Variants in EVI5 observed in about 807,000 individuals in gnomAD.
EVI5 encodes the protein ecotropic viral integration site 5.
A neutral mutation model predicts 112.0 loss-of-function variants in EVI5; 73 were observed. The ratio of observed to expected loss-of-function variants is 0.65; its 90% CI spans 0.54 to 0.79. The LOEUF (loss-of-function observed/expected upper bound fraction) is 0.79. EVI5 is among the 30% of genes least tolerant of loss of function. The probability of loss-of-function intolerance (pLI) is 0.00; values close to 1 mark genes in which losing one functional copy is unlikely to be tolerated. For missense variants in EVI5, 900 were observed against 968.8 expected, an observed-to-expected ratio of 0.93 and a Z score of 0.94; for synonymous variants, 305 against 319.9, an observed-to-expected ratio of 0.95 and a Z score of 0.50.
chr1:92,744,594 TCTCTCTCACA>T lies in EVI5; in HGVS notation c.-81-7977_-81-7968del, dbSNP rs1311128399. ...TATAATTATGCCAAATATCTCTCTCTCTCTCTCACACACACACACACACACACACACACAC... is the reference window on the plus strand; with the variant it reads ...TATAATTATGCCAAATATCTCTCTCTCACACACACACACACACACACACAC... On this transcript the variant is annotated intron_variant, in intron 1 of 19. Transcript: ENST00000684568. Among the ~76,000 whole-genome samples the T allele has an allele frequency of 1.2e-3, 165 of 134,000 alleles. 1 individual carries two copies. Among genetic ancestry groups the T allele is most frequent in the African/African-American group, 4.1e-3 (135 of 33,294 alleles). The allele number at this position is 134,000 out of a possible 152,430, so 87.9% of individuals were successfully genotyped here.
intron 13 of EVI5, among the ~76,000 whole-genome samples, chr1:92,638,164 T>C (rs1659265714): frequency 6.6e-6 from 1 of 152,054 alleles, no homozygotes; most frequent in Non-Finnish European, 1.5e-5. Context: ...CAAGAAAACA[T>C]CAAACTCAAA....
At chr1:92,516,223 T>C (rs1304687676) in intron 19 of EVI5, among the ~76,000 whole-genome samples, 1 of 152,210 alleles carries the variant, frequency 6.6e-6, no homozygotes, top group Non-Finnish European at 1.5e-5. Flanking sequence ...ATATGGAACA[T>C]GTGTCTTCCT....
intron 13 of EVI5, among the ~76,000 whole-genome samples, chr1:92,643,880 T>A (rs750098350): frequency 2.6e-5 from 4 of 151,436 alleles, no homozygotes; most frequent in Admixed American, 6.6e-5. Context: ...ATGAAAGAGT[T>A]CATAGTGAGT....
At chr1:92,786,802 C>A (rs1685673586), upstream of EVI5, among the ~76,000 whole-genome samples, 1 of 152,198 alleles carries the variant, frequency 6.6e-6, no homozygotes, top group Non-Finnish European at 1.5e-5. Flanking sequence ...TGGCCAGGTG[C>A]CTTGCCCACC....
At chr1:92,696,461 A>C (rs1301480560) in intron 6 of EVI5, among the ~76,000 whole-genome samples, 1 of 152,090 alleles carries the variant, frequency 6.6e-6, no homozygotes, top group African/African-American at 2.4e-5. Context: ...AAAAATTAAA[A>C]AATAAAAAAT....
At chr1:92,631,404 T>G (rs1657070291) in intron 14 of EVI5, among the ~76,000 whole-genome samples, 1 of 152,236 alleles carries the variant, frequency 6.6e-6, no homozygotes, top group African/African-American at 2.4e-5. Context: ...ACATCCCTTG[T>G]AAGTTGGATT....
intron 1 of EVI5, among the ~76,000 whole-genome samples, chr1:92,767,740 T>A (rs547512803): frequency 6.6e-6 from 1 of 152,248 alleles, no homozygotes; most frequent in Non-Finnish European, 1.5e-5. Context: ...ATAATTCTAA[T>A]GCTTTACTGT....
intron 13 of EVI5, among the ~76,000 whole-genome samples, chr1:92,657,115 T>A (rs540853196): frequency 1.4e-4 from 21 of 152,080 alleles, no homozygotes; most frequent in African/African-American, 4.8e-4. Flanking sequence ...TGAACACAGA[T>A]GCAAAAATCC....
intron 1 of EVI5, among the ~76,000 whole-genome samples, chr1:92,781,083 C>G (rs1030401976): frequency 2.6e-5 from 4 of 152,040 alleles, no homozygotes; most frequent in Non-Finnish European, 5.9e-5. Context: ...AACTCCTGAC[C>G]TCATGATCCG....
intron 14 of EVI5, among the ~76,000 whole-genome samples, chr1:92,633,202 A>C (rs939101682): frequency 1.3e-5 from 2 of 152,164 alleles, no homozygotes; most frequent in East Asian, 3.9e-4. Flanking sequence ...CTTCGTGCAG[A>C]GCTGAGTTCA....
intron 18 of EVI5, among the ~76,000 whole-genome samples, chr1:92,572,569 T>C (rs1173977060): frequency 6.6e-6 from 1 of 152,104 alleles, no homozygotes; most frequent in African/African-American, 2.4e-5. Flanking sequence ...CGTTAGTTTA[T>C]CCCTTTAATA....
chr1:92,659,391 AAAC>A (rs1329504836), intron 13 of EVI5, among the ~76,000 whole-genome samples: 1 of 152,204 alleles, frequency 6.6e-6, no homozygotes, highest in Non-Finnish European at 1.5e-5. Context: ...CAAGGAACGC[AAAC>A]AACTCAACAA....
intron 2 of EVI5, among the ~76,000 whole-genome samples, chr1:92,729,018 G>C (rs1322624297): frequency 6.6e-6 from 1 of 152,132 alleles, no homozygotes; most frequent in Non-Finnish European, 1.5e-5. Context: ...CTGGCAATTT[G>C]AATATGTCAA....
At chr1:92,595,830 T>C (rs1285799585) in intron 18 of EVI5, among the ~76,000 whole-genome samples, 1 of 152,148 alleles carries the variant, frequency 6.6e-6, no homozygotes, top group Non-Finnish European at 1.5e-5. Context: ...TTTTAAGTAA[T>C]GAACAGGGAA....
intron 13 of EVI5, among the ~76,000 whole-genome samples, chr1:92,637,393 A>G (rs1193732282): frequency 6.6e-6 from 1 of 152,066 alleles, no homozygotes; most frequent in African/African-American, 2.4e-5. Context: ...AAAAAAAAAA[A>G]AAAAGATATA....
intron 1 of EVI5, among the ~76,000 whole-genome samples, chr1:92,764,611 G>A (rs889917069): frequency 6.6e-6 from 1 of 152,148 alleles, no homozygotes; most frequent in African/African-American, 2.4e-5. Context: ...CAATTACCTT[G>A]AAGAATTAGG....
intron 1 of EVI5, among the ~76,000 whole-genome samples, chr1:92,739,046 CAGAT>C (rs1191290555): frequency 6.6e-6 from 1 of 152,002 alleles, no homozygotes; most frequent in Non-Finnish European, 1.5e-5. Flanking sequence ...CCAACGCAGG[CAGAT>C]CACCCTGAGG....
intron 10 of EVI5, among the ~76,000 whole-genome samples, chr1:92,675,972 A>G (rs1313555222): frequency 1.3e-5 from 2 of 150,908 alleles, no homozygotes; most frequent in East Asian, 3.9e-4. Context: ...AAAAAAAAAG[A>G]AAAAGAAAAA....
At chr1:92,627,090 T>A (rs1655841630) in intron 14 of EVI5, among the ~76,000 whole-genome samples, 1 of 152,212 alleles carries the variant, frequency 6.6e-6, no homozygotes, top group Admixed American at 6.5e-5. Context: ...TGGTGATTTG[T>A]GAGATTTTGG....
Sources: allele counts gnomAD v4.1 joint callset (sites outside exome capture counted in the v4.1 genomes callset), GRCh38; gene constraint gnomAD v4.1.1; transcripts MANE v1.5; gene names NCBI Gene and HGNC (gene_info 2026-07-23, HGNC 2026-07-21).